KCNH7: variants seen among roughly 807,000 people sequenced by gnomAD.
KCNH7 encodes the protein potassium voltage-gated channel subfamily H member 7.
Under a neutral mutation model 120.8 loss-of-function variants are expected in KCNH7, and 49 were observed. The ratio of observed to expected loss-of-function variants is 0.41; its 90% CI spans 0.32 to 0.51. The LOEUF is 0.51. KCNH7 is among the 20% of genes least tolerant of loss of function. The pLI, the probability that KCNH7 is intolerant of heterozygous loss-of-function variation, is 0.38. For synonymous variants in KCNH7, 547 were observed against 516.1 expected (o/e 1.06, Z -0.81); for missense variants, 1,097 against 1,446.6 (o/e 0.76, Z 3.92).
chr2:162,808,214 T>A (rs974143679), intron 2 of KCNH7, among the ~76,000 whole-genome samples: 1 of 152,238 alleles, frequency 6.6e-6, no homozygotes, highest in Non-Finnish European at 1.5e-5. Context: ...TTACACTGTA[T>A]TTTTCAATTT....
At chr2:162,726,581 A>C (rs1489550793) in intron 2 of KCNH7, among the ~76,000 whole-genome samples, 1 of 151,958 alleles carries the variant, frequency 6.6e-6, no homozygotes, top group East Asian at 1.9e-4. Flanking sequence ...CACCACGCCC[A>C]GCTAATTTTT....
chr2:162,589,345 A>G (rs1156395581), intron 2 of KCNH7, among the ~76,000 whole-genome samples: 2 of 152,020 alleles, frequency 1.3e-5, no homozygotes, highest in Admixed American at 1.3e-4. Flanking sequence ...AGAAATGAAC[A>G]TTCTTCTTTG....
intron 2 of KCNH7, among the ~76,000 whole-genome samples, chr2:162,829,051 A>C (rs893151150): frequency 1.3e-5 from 2 of 152,136 alleles, no homozygotes; most frequent in Non-Finnish European, 2.9e-5. Context: ...TTTCATGTAA[A>C]TTAAAGGAGG....
At chr2:162,648,530 T>A (rs2105253586) in intron 2 of KCNH7, among the ~76,000 whole-genome samples, 1 of 152,244 alleles carries the variant, frequency 6.6e-6, no homozygotes, top group South Asian at 2.1e-4. Context: ...ATTTCCAGTT[T>A]CCTCTCTCTC....
At chr2:162,548,687 A>T (rs528972687) in intron 2 of KCNH7, among the ~76,000 whole-genome samples, 2 of 152,244 alleles carry the variant, frequency 1.3e-5, no homozygotes, top group South Asian at 4.2e-4. Context: ...TTTAATTGCC[A>T]GGAGTTAATT....
intron 2 of KCNH7, among the ~76,000 whole-genome samples, chr2:162,700,809 G>C (rs1212286880): frequency 6.6e-6 from 1 of 152,062 alleles, no homozygotes; most frequent in African/African-American, 2.4e-5. Context: ...GAAGATTGTT[G>C]CTCATTCATT....
At chr2:162,489,779 A>G (rs1461213964) in intron 6 of KCNH7, among the ~76,000 whole-genome samples, 1 of 152,228 alleles carries the variant, frequency 6.6e-6, no homozygotes, top group Non-Finnish European at 1.5e-5. Flanking sequence ...GAATATGGGA[A>G]AAACATTGGA....
At chr2:162,462,484 T>C (rs113920031) in intron 6 of KCNH7, among the ~76,000 whole-genome samples, 42 of 149,832 alleles carry the variant, frequency 2.8e-4, no homozygotes, top group African/African-American at 9.3e-4. Context: ...TTGTGTATGA[T>C]CACAAACACA....
At chr2:162,630,939 C>G (rs1683744856) in intron 2 of KCNH7, among the ~76,000 whole-genome samples, 1 of 152,004 alleles carries the variant, frequency 6.6e-6, no homozygotes, top group African/African-American at 2.4e-5. Flanking sequence ...CTGGGAGAGT[C>G]CTGGCATGGC....
At chr2:162,787,179 T>C (rs1407630513) in intron 2 of KCNH7, among the ~76,000 whole-genome samples, 1 of 152,110 alleles carries the variant, frequency 6.6e-6, no homozygotes, top group Non-Finnish European at 1.5e-5. Context: ...GTCTCCAGGC[T>C]GGCACATGTG....
intron 2 of KCNH7, among the ~76,000 whole-genome samples, chr2:162,773,015 A>G (rs1203041653): frequency 1.3e-5 from 2 of 152,184 alleles, no homozygotes; most frequent in Non-Finnish European, 2.9e-5. Flanking sequence ...GCAAAGTTTC[A>G]CCTCAAATGA....
intron 6 of KCNH7, among the ~76,000 whole-genome samples, chr2:162,454,072 G>A (rs1688872973): frequency 6.6e-6 from 1 of 152,126 alleles, no homozygotes; most frequent in Non-Finnish European, 1.5e-5. Context: ...TTCTTCTAGA[G>A]TTTTTACAGT....
chr2:162,579,922 C>A (rs1424381841), intron 2 of KCNH7, among the ~76,000 whole-genome samples: 1 of 151,890 alleles, frequency 6.6e-6, no homozygotes. Context: ...TTTAAATGAC[C>A]TTTAATGGAG....
chr2:162,511,582 T>C lies in KCNH7; in HGVS notation c.913+1072A>G, dbSNP rs142417388. Among the ~76,000 whole-genome samples the C allele has an allele frequency of 3.3e-5, 5 of 150,974 alleles. No individual in the cohort carries two copies. The South Asian group carries it at 8.4e-4, about 25-fold the overall frequency. ...CTTTTAAAGTGCCTACAAAATAAAA[T>C]TGGGGTGGGTTTGGGGGGATACTGC... is the stretch of plus-strand genomic sequence containing the variant. On this transcript the variant is annotated intron_variant, in intron 5 of 15. Coordinates refer to ENST00000332142, the MANE Select transcript of KCNH7 (RefSeq NM_033272.4).
intron 6 of KCNH7, among the ~76,000 whole-genome samples, chr2:162,488,081 C>A (rs915348600): frequency 1.3e-5 from 2 of 152,220 alleles, no homozygotes; most frequent in African/African-American, 4.8e-5. Context: ...TGCTTCTTTT[C>A]TGTTCCTGGG....
intron 6 of KCNH7, among the ~76,000 whole-genome samples, chr2:162,452,533 C>A (rs926268180): frequency 6.6e-6 from 1 of 152,016 alleles, no homozygotes; most frequent in African/African-American, 2.4e-5. Flanking sequence ...TTTTGCCCAA[C>A]CTTGAACTCT....
chr2:162,422,491 T>A (rs1034544259), intron 9 of KCNH7, among the ~76,000 whole-genome samples: 3 of 152,202 alleles, frequency 2.0e-5, no homozygotes, highest in African/African-American at 7.2e-5. Context: ...TATTCTTTTT[T>A]TTCTGATGCT....
rs552357178 is a variant in KCNH7, at chr2:162,730,357, C to G, written c.307+106180G>C. On this transcript the variant is annotated intron_variant, in intron 2 of 15. Transcript: ENST00000332142. ...AGCAAGATTAATTAAAAATTACATA[C>G]TAGATACTTTGTTATGAAACTGCAT... 7.9e-4 allele frequency among the ~76,000 whole-genome samples: 119 copies of G among 150,230 alleles called. 2 individuals are homozygous for G. Among genetic ancestry groups the G allele is most frequent in the African/African-American group, 2.5e-3 (101 of 40,888 alleles).
At position 162,436,603 on chromosome 2, in the gene KCNH7, C is replaced by T. The variant is rs1688246106; in HGVS notation, c.1555-1006G>A. Among the ~76,000 whole-genome samples the T allele has an allele frequency of 1.3e-5, 2 of 152,092 alleles. 1 individual carries two copies. The highest frequency in any genetic ancestry group is 4.1e-4 in the South Asian group (2 of 4,826). ...TATAAGTACTATATAATTCACAGGG[C>T]ATATAATTATTCCATAGTTACATGG... is the stretch of plus-strand genomic sequence containing the variant. On this transcript the variant is annotated intron_variant, in intron 7 of 15. Transcript: ENST00000332142.
Sources: gnomAD v4.1 joint callset for allele counts (sites outside exome capture counted in the v4.1 genomes callset) on GRCh38, gnomAD v4.1.1 for gene constraint, MANE v1.5 for transcripts, NCBI Gene and HGNC (gene_info 2026-07-23, HGNC 2026-07-21) for gene names.